Variants in ICA1 observed in about 807,000 individuals in gnomAD.
ICA1 encodes the protein islet cell autoantigen 1.
A neutral mutation model predicts 71.0 loss-of-function variants in ICA1; 40 were observed. That is an observed-to-expected ratio of 0.56 (90% CI 0.44 to 0.73). The LOEUF (loss-of-function observed/expected upper bound fraction) is 0.73, where lower values mean the gene tolerates loss of function less well. ICA1 is among the 30% of genes least tolerant of loss of function. The pLI is 0.00. For synonymous variants in ICA1, 207 were observed against 209.5 expected (o/e 0.99, Z 0.10); for missense variants, 578 against 576.5 (o/e 1.00, Z -0.03).
At chr7:8,212,938 T>A (rs556362537) in intron 6 of ICA1, among the ~76,000 whole-genome samples, 1 of 152,198 alleles carries the variant, frequency 6.6e-6, no homozygotes, top group African/African-American at 2.4e-5. Flanking sequence ...AATTCAGAAC[T>A]GGAAGCATGG....
At chr7:8,253,013 C>T (rs1025954917) in intron 1 of ICA1, among the ~76,000 whole-genome samples, 1 of 152,070 alleles carries the variant, frequency 6.6e-6, no homozygotes, top group Admixed American at 6.6e-5. Context: ...ACAGCCCCCA[C>T]CTTATTTCTT....
intron 13 of ICA1, among the ~76,000 whole-genome samples, chr7:8,116,077 G>C (rs1185386821): frequency 6.6e-6 from 1 of 152,226 alleles, no homozygotes; most frequent in East Asian, 1.9e-4. Context: ...AAAGAAGTCA[G>C]AATGTAATTT....
chr7:8,171,302 C>T (rs1028692259), intron 6 of ICA1, among the ~76,000 whole-genome samples: 1 of 151,880 alleles, frequency 6.6e-6, no homozygotes, highest in East Asian at 1.9e-4. Context: ...AGATTTTTAA[C>T]TACAAATATG....
intron 12 of ICA1, among the ~76,000 whole-genome samples, chr7:8,134,542 C>T (rs1206447381): frequency 6.6e-6 from 1 of 152,142 alleles, no homozygotes; most frequent in African/African-American, 2.4e-5. Flanking sequence ...CTGGTTTTCT[C>T]CCTCGTCCCC....
At chr7:8,116,400 G>A (rs1389336351) in intron 13 of ICA1, 1 of 152,112 alleles carries the variant, frequency 6.6e-6, no homozygotes, top group Admixed American at 6.5e-5. Flanking sequence ...CCACATCCGT[G>A]GTTGCCTCCG....
At position 8,152,619 on chromosome 7, in the gene ICA1, T is replaced by TCA. The variant is rs1799362860; in HGVS notation, c.804+4496_804+4497insTG. Reference sequence around the variant, plus strand: ...TACCCCCAGCACTACCACCATCACCTCTTCCACCACTACCACCATCTCCTC... The same window carrying TCA: ...TACCCCCAGCACTACCACCATCACCTCACTTCCACCACTACCACCATCTCCTC... On this transcript the variant is annotated intron_variant, in intron 8 of 13. Transcript: ENST00000402384. Among the ~76,000 whole-genome samples the TCA allele has an allele frequency of 1.2e-4, 14 of 114,068 alleles. No individual in the cohort carries two copies. In the South Asian group the frequency reaches 1.3e-3, roughly 11 times the overall value. 74.8% of individuals were successfully genotyped at this position (114,068 alleles called of 152,430 possible). A position where few individuals can be genotyped will look rare whatever the true frequency, so the allele number is the denominator to read the frequency against.
At chr7:8,257,523 T>C (rs1022733563) in intron 1 of ICA1, among the ~76,000 whole-genome samples, 1 of 152,186 alleles carries the variant, frequency 6.6e-6, no homozygotes, top group African/African-American at 2.4e-5. Flanking sequence ...GTCTCCAATC[T>C]AGACTCTTAA....
chr7:8,239,387 A>C (rs984781389), intron 1 of ICA1, among the ~76,000 whole-genome samples: 1 of 152,224 alleles, frequency 6.6e-6, no homozygotes, highest in Non-Finnish European at 1.5e-5. Flanking sequence ...CTGGCCTCAA[A>C]TATAGATCAG....
intron 8 of ICA1, among the ~76,000 whole-genome samples, chr7:8,146,639 A>G (rs1458939839): frequency 1.3e-5 from 2 of 151,870 alleles, no homozygotes; most frequent in Non-Finnish European, 2.9e-5. Flanking sequence ...AGGACAAATG[A>G]GACAACTGGA....
chr7:8,178,481 C>T (rs534064127), intron 6 of ICA1, among the ~76,000 whole-genome samples: 1 of 152,128 alleles, frequency 6.6e-6, no homozygotes, highest in South Asian at 2.1e-4. Flanking sequence ...TAATTTTTAA[C>T]CTGCTGCACA....
rs537806524 is a variant in ICA1 at position 8,218,335 on chromosome 7, G to C, written c.549C>G (p.Asp183Glu). ...MKDVSQELDP[D>E]LYKQMEKFRK... ...TGAACTTCTCCATTTGCTTGTAGAG[G>C]TCTGGATCAAGCTCCTGAGACACGT... Residue 183 changes from aspartate (D) to glutamate (E), a missense_variant, in exon 6 of 14, where the codon GAC (aspartate) becomes GAG (glutamate). Asp to Glu is a conservative substitution (Grantham distance 45). Coordinates refer to ENST00000402384, the MANE Select transcript of ICA1 (RefSeq NM_001136020.3). 6.2e-7 allele frequency: 1 copy of C among 1,614,080 alleles called. No individual in the cohort carries two copies. Among genetic ancestry groups the C allele is most frequent in the Non-Finnish European group, 8.5e-7 (1 of 1,179,966 alleles).
intron 13 of ICA1, among the ~76,000 whole-genome samples, chr7:8,118,739 TCTCCAACA>T (rs1316578692): frequency 1.3e-5 from 2 of 152,252 alleles, no homozygotes; most frequent in East Asian, 3.9e-4. Context: ...CTTCAATCCT[TCTCCAACA>T]CTAAGTGTAC....
intron 6 of ICA1, among the ~76,000 whole-genome samples, chr7:8,194,843 C>A (rs1294225006): frequency 6.6e-6 from 1 of 151,904 alleles, no homozygotes; most frequent in Non-Finnish European, 1.5e-5. Flanking sequence ...GGGTCTTTTT[C>A]TGTATTAAAT....
chr7:8,203,327 T>C (rs193049228), intron 6 of ICA1, among the ~76,000 whole-genome samples: 2 of 152,278 alleles, frequency 1.3e-5, no homozygotes, highest in Admixed American at 1.3e-4. Context: ...AGGTAAAGCA[T>C]ATTCTATTAA....
chr7:8,219,273 G>A (rs1796316765), intron 5 of ICA1, among the ~76,000 whole-genome samples: 1 of 152,184 alleles, frequency 6.6e-6, no homozygotes, highest in East Asian at 1.9e-4. Flanking sequence ...ACCCAAAAAT[G>A]AGCAATGTCA....
rs141838201 is a variant in ICA1 at position 8,204,497 on chromosome 7, C to A, written c.579+13808G>T. On this transcript the variant is annotated intron_variant, in intron 6 of 13. Coordinates refer to ENST00000402384, the MANE Select transcript of ICA1 (RefSeq NM_001136020.3). ...GTAGAGAACTTTACCAATATTTAATCAAAAATATTCTGCATTATGTACATA... is the reference window on the plus strand; with the variant it reads ...GTAGAGAACTTTACCAATATTTAATAAAAAATATTCTGCATTATGTACATA... 2.9e-3 allele frequency among the ~76,000 whole-genome samples: 435 copies of A among 152,292 alleles called. 2 individuals are homozygous for A. Among genetic ancestry groups the A allele is most frequent in the African/African-American group, 0.01 (421 of 41,556 alleles).
chr7:8,188,820 T>A (rs911313734), intron 6 of ICA1, among the ~76,000 whole-genome samples: 1 of 152,120 alleles, frequency 6.6e-6, no homozygotes, highest in Non-Finnish European at 1.5e-5. Context: ...AGGGCAGTAC[T>A]TACAGGAATC....
chr7:8,204,244 A>C (rs777811009), intron 6 of ICA1, among the ~76,000 whole-genome samples: 10 of 152,192 alleles, frequency 6.6e-5, no homozygotes, highest in Non-Finnish European at 1.5e-4. Context: ...ATATCACACA[A>C]GGATCTGTTT....
intron 8 of ICA1, 144 bp downstream of exon 8, chr7:8,156,972 A>G (rs573490046): frequency 6.5e-7 from 1 of 1,547,582 alleles, no homozygotes; most frequent in South Asian, 1.2e-5. Flanking sequence ...AGAAAGAAAG[A>G]AAAAGACTCT....
Sources: gnomAD v4.1 joint callset for allele counts (sites outside exome capture counted in the v4.1 genomes callset) on GRCh38, gnomAD v4.1.1 for gene constraint, MANE v1.5 for transcripts, NCBI Gene and HGNC (gene_info 2026-07-23, HGNC 2026-07-21) for gene names.